Variants in ITPR2 observed in about 807,000 individuals in gnomAD.
The protein encoded by ITPR2 is inositol 1,4,5-trisphosphate receptor type 2.
Under a neutral mutation model 317.1 loss-of-function variants are expected in ITPR2, and 207 were observed. That is an observed-to-expected ratio of 0.65 (90% confidence interval 0.58 to 0.73). The LOEUF (loss-of-function observed/expected upper bound fraction) is 0.73, where lower values mean the gene tolerates loss of function less well. Among genes scored for constraint, ITPR2 ranks in the 30% least tolerant of loss-of-function variants. The probability of loss-of-function intolerance (pLI) is 0.00; values close to 1 mark genes in which losing one functional copy is unlikely to be tolerated. For missense variants in ITPR2, 2,613 were observed against 3,284.0 expected (o/e 0.80, Z 4.99); for synonymous variants, 1,156 against 1,149.1 (o/e 1.01, Z -0.12).
chr12:26,467,172 T>A (rs1425405117), intron 45 of ITPR2, among the ~76,000 whole-genome samples: 1 of 152,164 alleles, frequency 6.6e-6, no homozygotes, highest in Non-Finnish European at 1.5e-5. Flanking sequence ...TTTGGAGTAA[T>A]TTACATGCAT....
Position 26,754,208 on chromosome 12 carries a change from C to T in ITPR2, c.164-28443G>A, listed in dbSNP as rs183413656. 2.3e-3 allele frequency among the ~76,000 whole-genome samples: 354 copies of T among 152,200 alleles called. 1 individual carries two copies. Among genetic ancestry groups the T allele is most frequent in the Admixed American group, 3.8e-3 (58 of 15,288 alleles). On this transcript the variant is annotated intron_variant, in intron 2 of 56. Transcript: ENST00000381340. ...AATAAAATATCTTCAGAAATGTAAA[C>T]ATTTAGTCTAAATTATGCTGGTCAG...
chr12:26,679,534 GT>G (rs936217178), intron 13 of ITPR2, among the ~76,000 whole-genome samples: 1 of 152,070 alleles, frequency 6.6e-6, no homozygotes, highest in African/African-American at 2.4e-5. Flanking sequence ...ACACCATCCT[GT>G]TTTTTGTCAC....
chr12:26,577,421 CAAG>C (rs973849181), intron 34 of ITPR2, among the ~76,000 whole-genome samples: 9 of 152,200 alleles, frequency 5.9e-5, no homozygotes, highest in Non-Finnish European at 1.2e-4. Context: ...ATTTTCCAAT[CAAG>C]AAATTATGTT....
chr12:26,528,764 G>A (rs935521302), intron 37 of ITPR2, among the ~76,000 whole-genome samples: 11 of 152,194 alleles, frequency 7.2e-5, no homozygotes, highest in Non-Finnish European at 1.6e-4. Context: ...GCAGGAATAG[G>A]AGTAATTCCA....
In ITPR2 at chr12:26,596,828, A is replaced by G; in HGVS notation, c.4254+55T>C. 4.1e-6 allele frequency: 6 copies of G among 1,462,756 alleles called. No homozygotes were observed. In the South Asian group the frequency reaches 7.5e-5, roughly 18 times the overall value. The allele number at this position is 1,462,756 out of a possible 1,614,324, so 90.6% of individuals were successfully genotyped here. Reference sequence around the variant, plus strand: ...TGGGGGACTTCTGGCACCTAGATAAACTTCAAAAATTAATAATGATTCTAT... The same window carrying G: ...TGGGGGACTTCTGGCACCTAGATAAGCTTCAAAAATTAATAATGATTCTAT... On this transcript the variant is annotated intron_variant, in intron 31 of 56. Transcript: ENST00000381340.
intron 45 of ITPR2, among the ~76,000 whole-genome samples, chr12:26,458,273 G>A (rs1239000714): frequency 6.6e-6 from 1 of 152,158 alleles, no homozygotes; most frequent in Admixed American, 6.5e-5. Flanking sequence ...GGGCGGTACG[G>A]GGGCCCAGGT....
At chr12:26,500,571 C>T (rs1943047700) in intron 37 of ITPR2, among the ~76,000 whole-genome samples, 1 of 152,112 alleles carries the variant, frequency 6.6e-6, no homozygotes, top group South Asian at 2.1e-4. Flanking sequence ...CCCAGATGTG[C>T]TAAATGTAAT....
intron 10 of ITPR2, among the ~76,000 whole-genome samples, chr12:26,689,454 G>C (rs1045572318): frequency 6.6e-6 from 1 of 151,910 alleles, no homozygotes; most frequent in Non-Finnish European, 1.5e-5. Flanking sequence ...AAAAAAGAGA[G>C]GGAGGGAGGC....
chr12:26,358,617 C>G (rs1473223031), intron 55 of ITPR2, among the ~76,000 whole-genome samples: 1 of 152,036 alleles, frequency 6.6e-6, no homozygotes, highest in Non-Finnish European at 1.5e-5. Context: ...ATTTCCTTGT[C>G]AGGAGTGAAT....
rs1192938809 is a variant in ITPR2 at position 26,391,555 on chromosome 12, CCTTTTTTTTTTTT to C, written c.7697-3974_7697-3962del. On this transcript the variant is annotated intron_variant, in intron 54 of 56. Coordinates refer to ENST00000381340, the MANE Select transcript of ITPR2 (RefSeq NM_002223.4). The stretch of plus-strand genomic sequence containing the variant: ...AGCTTCTTCTTCTTCTTCTTCTTTT[CCTTTTTTTTTTTT>C]TTTTTTTTTTTTTTTTGACAGAGTC... Among the ~76,000 whole-genome samples the C allele has an allele frequency of 5.9e-3, 419 of 70,856 alleles. 27 individuals carry two copies. The highest frequency in any genetic ancestry group is 0.021 in the African/African-American group (394 of 18,638). The allele number at this position is 70,856 out of a possible 152,430, so 46.5% of individuals were successfully genotyped here. A position where few individuals can be genotyped will look rare whatever the true frequency, so the allele number is the denominator to read the frequency against.
At chr12:26,703,126 AAT>A (rs2137005788) in intron 9 of ITPR2, among the ~76,000 whole-genome samples, 1 of 152,258 alleles carries the variant, frequency 6.6e-6, no homozygotes, top group Non-Finnish European at 1.5e-5. Context: ...TCTATAAGTA[AAT>A]TTTAGATCTT....
At chr12:26,548,409 G>A (rs1299159458) in intron 37 of ITPR2, among the ~76,000 whole-genome samples, 2 of 151,958 alleles carry the variant, frequency 1.3e-5, no homozygotes, top group Non-Finnish European at 2.9e-5. Flanking sequence ...CTGACGCTGT[G>A]CAGAGCCCCT....
intron 24 of ITPR2, chr12:26,623,429 C>T (rs538744802): frequency 2.6e-5 from 4 of 152,216 alleles, no homozygotes; most frequent in African/African-American, 9.6e-5. Context: ...TTAATAATGG[C>T]CCCAAAGTGC....
At chr12:26,483,249 C>T (rs1239589582) in intron 42 of ITPR2, among the ~76,000 whole-genome samples, 5 of 152,212 alleles carry the variant, frequency 3.3e-5, no homozygotes, top group Admixed American at 2.6e-4. Flanking sequence ...CACTCTGAAA[C>T]TCTGGAAAGT....
intron 45 of ITPR2, among the ~76,000 whole-genome samples, chr12:26,445,514 G>A (rs1178346110): frequency 6.6e-6 from 1 of 150,840 alleles, no homozygotes; most frequent in Non-Finnish European, 1.5e-5. Flanking sequence ...GTTAAGAAAG[G>A]TAGGAACAAA....
In ITPR2 at chr12:26,387,473, T is replaced by C. The variant is rs1434793725; in HGVS notation, c.7818A>G (p.Glu2606=). The C allele has an allele frequency of 2.0e-5, 33 of 1,613,856 alleles. No individual in the cohort carries two copies. Among genetic ancestry groups the C allele is most frequent in the Non-Finnish European group, 2.6e-5 (31 of 1,179,850 alleles). Residue 2606 remains glutamate, a synonymous_variant, in exon 55 of 57, where the codon GAA becomes GAG. Coordinates refer to ENST00000381340, the MANE Select transcript of ITPR2 (RefSeq NM_002223.4). ...IVLVKVKDPT[E]YTGPESYVAQ... ...CCACATAACTTTCAGGTCCAGTGTA[T>C]TCTGTTGGGTCTTTAACTTTCACCA...
chr12:26,375,452 T>G (rs905625781), intron 55 of ITPR2, among the ~76,000 whole-genome samples: 4 of 152,344 alleles, frequency 2.6e-5, no homozygotes, highest in African/African-American at 9.6e-5. Flanking sequence ...TCACATGATA[T>G]CCACAAACTG....
At chr12:26,827,667 T>G (rs1406064238) in intron 1 of ITPR2, among the ~76,000 whole-genome samples, 3 of 152,256 alleles carry the variant, frequency 2.0e-5, no homozygotes, top group Admixed American at 2.0e-4. Flanking sequence ...AAGATTTATT[T>G]GCAAATAAAT....
intron 32 of ITPR2, among the ~76,000 whole-genome samples, chr12:26,591,083 A>G (rs1295409104): frequency 1.6e-5 from 2 of 123,030 alleles, no homozygotes; most frequent in African/African-American, 6.3e-5. Context: ...CCATCTCAAA[A>G]AAAAAAAAAA....
Sources: allele counts gnomAD v4.1 joint callset (sites outside exome capture counted in the v4.1 genomes callset), GRCh38; gene constraint gnomAD v4.1.1; transcripts MANE v1.5; gene names NCBI Gene and HGNC (gene_info 2026-07-23, HGNC 2026-07-21).